The following FHOD3 variants were observed in gnomAD, a reference collection of about 807,000 sequenced individuals.
FHOD3 encodes the protein FH1/FH2 domain-containing protein 3.
FHOD3 carries 90 observed loss-of-function variants against 173.0 expected under a neutral mutation model. The observed-to-expected ratio is 0.52, with a 90% CI of 0.44 to 0.62. FHOD3 has a LOEUF of 0.62. Among genes scored for constraint, FHOD3 ranks in the 20% least tolerant of loss-of-function variants. The probability of loss-of-function intolerance (pLI) is 0.00; values close to 1 mark genes in which losing one functional copy is unlikely to be tolerated. For synonymous variants in FHOD3, 828 were observed against 823.0 expected (o/e 1.01, Z -0.10); for missense variants, 1,945 against 2,034.7 (o/e 0.96, Z 0.85).
At chr18:36,500,051 G>C (rs2054949063) in intron 3 of FHOD3, among the ~76,000 whole-genome samples, 1 of 152,200 alleles carries the variant, frequency 6.6e-6, no homozygotes, top group African/African-American at 2.4e-5. Context: ...ACTGCCCCAG[G>C]ATGTGAGAGA....
At chr18:36,567,398 C>G (rs1046317904) in intron 5 of FHOD3, among the ~76,000 whole-genome samples, 1 of 152,182 alleles carries the variant, frequency 6.6e-6, no homozygotes, top group Non-Finnish European at 1.5e-5. Flanking sequence ...GTTGCTCCAT[C>G]CAGGCCACCT....
At chr18:36,608,810 T>A (rs1168788441) in intron 8 of FHOD3, among the ~76,000 whole-genome samples, 1 of 152,240 alleles carries the variant, frequency 6.6e-6, no homozygotes, top group African/African-American at 2.4e-5. Flanking sequence ...AATCTTTTAT[T>A]GCATATATTA....
intron 3 of FHOD3, among the ~76,000 whole-genome samples, chr18:36,465,969 C>G (rs1234661138): frequency 2.6e-5 from 4 of 152,170 alleles, no homozygotes; most frequent in Admixed American, 2.6e-4. Context: ...AAAATTGGAG[C>G]AAGTCCTTGA....
intron 28 of FHOD3, 85 bp from the exon 29 acceptor site, chr18:36,779,363 C>G (rs1235960793): frequency 3.3e-6 from 4 of 1,217,344 alleles, no homozygotes; most frequent in Middle Eastern, 2.5e-4. Context: ...GAAGGGGGGA[C>G]TGGAGTCTTG....
chr18:36,686,409 C>T (rs1174762382), intron 15 of FHOD3, among the ~76,000 whole-genome samples: 1 of 150,508 alleles, frequency 6.6e-6, no homozygotes, highest in African/African-American at 2.4e-5. Flanking sequence ...ACAGTGAGAA[C>T]ACATGGACAT....
chr18:36,611,173 A>T (rs2032631098), intron 8 of FHOD3, among the ~76,000 whole-genome samples: 1 of 152,244 alleles, frequency 6.6e-6, no homozygotes, highest in Non-Finnish European at 1.5e-5. Context: ...ACAGTTTAAT[A>T]AAATTAAATT....
At chr18:36,745,982 A>G (rs1490826597) in intron 23 of FHOD3, among the ~76,000 whole-genome samples, 1 of 150,374 alleles carries the variant, frequency 6.7e-6, no homozygotes, top group East Asian at 2.0e-4. Flanking sequence ...CCACTTACCT[A>G]TTTCTTCCTC....
At chr18:36,447,935 G>A (rs2051593946) in intron 3 of FHOD3, among the ~76,000 whole-genome samples, 1 of 152,220 alleles carries the variant, frequency 6.6e-6, no homozygotes, top group South Asian at 2.1e-4. Context: ...GGCAGCTGGA[G>A]GGACCAGGAG....
At chr18:36,309,793 A>C (rs2092206144) in intron 1 of FHOD3, among the ~76,000 whole-genome samples, 1 of 152,194 alleles carries the variant, frequency 6.6e-6, no homozygotes, top group Non-Finnish European at 1.5e-5. Context: ...AACTGAGTGC[A>C]TTTTTGTGGA....
At position 36,742,672 on chromosome 18, in the gene FHOD3, G is replaced by A. The variant is rs562067172; in HGVS notation, c.3760-65G>A. The A allele has an allele frequency of 5.8e-6, 9 of 1,545,158 alleles. No homozygotes were observed. The African/African-American group carries it at 9.6e-5, about 17-fold the overall frequency. ...CGTGTGTTATTCCCTTATACAAAAA[G>A]TCAGAAGAACAAAGTAAACCCAAAT... On this transcript the variant is annotated intron_variant, in intron 21 of 28. Coordinates refer to ENST00000590592, the MANE Select transcript of FHOD3 (RefSeq NM_001281740.3).
chr18:36,524,772 T>C (rs1046282873), intron 5 of FHOD3, among the ~76,000 whole-genome samples: 1 of 152,208 alleles, frequency 6.6e-6, no homozygotes, highest in South Asian at 2.1e-4. Context: ...CGTTGCTTTT[T>C]GTCAGTTTGT....
At chr18:36,736,209 G>T (rs1164273474) in intron 20 of FHOD3, among the ~76,000 whole-genome samples, 1 of 152,222 alleles carries the variant, frequency 6.6e-6, no homozygotes, top group Admixed American at 6.5e-5. Flanking sequence ...GCCCTGCAGT[G>T]GTGTCTGGCA....
intron 1 of FHOD3, among the ~76,000 whole-genome samples, chr18:36,318,772 G>A (rs2044255459): frequency 6.6e-6 from 1 of 152,192 alleles, no homozygotes; most frequent in South Asian, 2.1e-4. Flanking sequence ...GAATAGGAGT[G>A]GTGAGAGAGG....
At chr18:36,553,200 G>A (rs1339477668) in intron 5 of FHOD3, among the ~76,000 whole-genome samples, 1 of 152,188 alleles carries the variant, frequency 6.6e-6, no homozygotes, top group Non-Finnish European at 1.5e-5. Flanking sequence ...GCTTTTTGAT[G>A]TGCTGCTGGA....
intron 1 of FHOD3, among the ~76,000 whole-genome samples, chr18:36,342,013 TAACAA>T (rs1319093043): frequency 4.6e-5 from 7 of 152,154 alleles, no homozygotes; most frequent in Admixed American, 4.6e-4. Flanking sequence ...TAAGGAATTT[TAACAA>T]AACAAAATAG....
intron 5 of FHOD3, among the ~76,000 whole-genome samples, chr18:36,530,029 G>A (rs933708739): frequency 6.6e-4 from 100 of 151,568 alleles, no homozygotes; most frequent in African/African-American, 2.4e-3. Context: ...GTCATGGGGG[G>A]TGGGAACACA....
intron 6 of FHOD3, among the ~76,000 whole-genome samples, chr18:36,578,949 T>TA (rs202035361): frequency 1.9e-3 from 290 of 151,710 alleles, no homozygotes; most frequent in African/African-American, 5.2e-3. Context: ...TGAAAATCTT[T>TA]AAAAAAAAAT....
intron 19 of FHOD3, among the ~76,000 whole-genome samples, chr18:36,723,433 G>A (rs1015160653): frequency 6.6e-5 from 10 of 152,032 alleles, no homozygotes; most frequent in Non-Finnish European, 8.8e-5. Context: ...ACATCTCCCC[G>A]TCTCCCTTGT....
chr18:36,380,572 C>G (rs1469168694), intron 3 of FHOD3, among the ~76,000 whole-genome samples: 17 of 119,048 alleles, frequency 1.4e-4, no homozygotes, highest in South Asian at 6.0e-4. Context: ...CTTTTCTTTT[C>G]TTTTCTTTTC....
Sources: gnomAD v4.1 joint callset for allele counts (sites outside exome capture counted in the v4.1 genomes callset) on GRCh38, gnomAD v4.1.1 for gene constraint, MANE v1.5 for transcripts, NCBI Gene and HGNC (gene_info 2026-07-23, HGNC 2026-07-21) for gene names.